Variants in GRIN1 observed in about 807,000 individuals in gnomAD.
The protein encoded by GRIN1 is glutamate ionotropic receptor NMDA type subunit 1.
A neutral mutation model predicts 103.0 loss-of-function variants in GRIN1; 38 were observed. The observed-to-expected ratio is 0.37, with a 90% CI of 0.28 to 0.48. The LOEUF is 0.48. GRIN1 is among the 20% of genes least tolerant of loss of function. The probability of loss-of-function intolerance (pLI) is 0.98; values close to 1 mark genes in which losing one functional copy is unlikely to be tolerated. For synonymous variants in GRIN1, 544 were observed against 532.7 expected, an observed-to-expected ratio of 1.02 and a Z score of -0.29; for missense variants, 577 against 1,288.9, an observed-to-expected ratio of 0.45 and a Z score of 8.46.
chr9:137,163,369 T>A, intron 16 of GRIN1, 39 bp downstream of exon 16: 1 of 1,608,290 alleles, frequency 6.2e-7, no homozygotes, highest in Non-Finnish European at 8.5e-7. Context: ...TCCGCCCCTC[T>A]CCGCCAGAGG....
At position 137,167,637 on chromosome 9, in the gene GRIN1, G is replaced by A; in HGVS notation, c.*110G>A. ...CCGGAGCACCACGGGGTCGGGGGAG[G>A]AGCACCCCCAGCCTCCCCCAGGCTG... On this transcript the variant is annotated 3_prime_UTR_variant, in exon 20 of 20. Transcript: ENST00000371561. 1 of 1,512,080 alleles carries A rather than the reference G, an allele frequency of 6.6e-7. No individual in the cohort carries two copies. Among genetic ancestry groups the A allele is most frequent in the South Asian group, 1.3e-5 (1 of 77,086 alleles). 93.7% of individuals were successfully genotyped at this position (1,512,080 alleles called of 1,614,324 possible). A position where few individuals can be genotyped will look rare whatever the true frequency, so the allele number is the denominator to read the frequency against.
At chr9:137,141,645 T>C (rs1469080009) in intron 1 of GRIN1, among the ~76,000 whole-genome samples, 1 of 151,818 alleles carries the variant, frequency 6.6e-6, no homozygotes, top group Admixed American at 6.6e-5. Context: ...GAAGGACGGG[T>C]GGGTTCTGAG....
At chr9:137,166,285 T>C (rs770466259) in intron 19 of GRIN1, among the ~76,000 whole-genome samples, 6 of 152,166 alleles carry the variant, frequency 3.9e-5, no homozygotes, top group Non-Finnish European at 7.4e-5. Context: ...GTAGCGGATA[T>C]GCACACTCGG....
chr9:137,156,511 G>C (rs1054478828), intron 4 of GRIN1, among the ~76,000 whole-genome samples, 158 bp from the exon 5 acceptor site: 1 of 152,234 alleles, frequency 6.6e-6, no homozygotes, highest in Non-Finnish European at 1.5e-5. Context: ...AGGCTCCTGG[G>C]TTCTGGGCCG....
chr9:137,141,951 G>C (rs905254223), intron 1 of GRIN1, 62 bp from the exon 2 acceptor site: 1 of 1,590,044 alleles, frequency 6.3e-7, no homozygotes, highest in Non-Finnish European at 8.6e-7. Flanking sequence ...CCAGATCTCA[G>C]CCTCTAACCC....
chr9:137,153,088 C>A (rs1382071862), intron 4 of GRIN1, among the ~76,000 whole-genome samples: 3 of 151,900 alleles, frequency 2.0e-5, no homozygotes, highest in African/African-American at 7.3e-5. Context: ...ACCACGTGTA[C>A]ACACATGCAC....
At chr9:137,166,442 C>T (rs566406873) in intron 19 of GRIN1, among the ~76,000 whole-genome samples, 33 of 152,360 alleles carry the variant, frequency 2.2e-4, no homozygotes, top group African/African-American at 7.9e-4. Context: ...CCACAGGAAG[C>T]CCCCAGCCCA....
intron 4 of GRIN1, among the ~76,000 whole-genome samples, chr9:137,154,984 T>C (rs1833137022): frequency 6.6e-6 from 1 of 152,138 alleles, no homozygotes; most frequent in South Asian, 2.1e-4. Flanking sequence ...TTAGTGAAGG[T>C]TGTTGAGGGT....
rs569694173 is a variant in GRIN1 at position 137,163,386 on chromosome 9, C to T, written c.2333+56C>T. The T allele has an allele frequency of 1.2e-3, 1,850 of 1,589,682 alleles. 30 individuals are homozygous for T. The highest frequency in any genetic ancestry group is 1.3e-4 in the Non-Finnish European group (153 of 1,159,918). The stretch of plus-strand genomic sequence containing the variant: ...CGCCCCTCTCCGCCAGAGGTGGACG[C>T]CCTCCCCAGTGCCAGACCACTCCGA... On this transcript the variant is annotated intron_variant, in intron 16 of 19. Transcript: ENST00000371561.
intron 2 of GRIN1, 77 bp downstream of exon 2, chr9:137,142,224 C>T (rs112344611): frequency 4.6e-5 from 68 of 1,476,992 alleles, no homozygotes; most frequent in African/African-American, 1.1e-4. Context: ...AGCAGCGGGC[C>T]GACCCGCTCA....
At chr9:137,151,898 TC>T (rs1482258942) in intron 4 of GRIN1, among the ~76,000 whole-genome samples, 5 of 60,246 alleles carry the variant, frequency 8.3e-5, no homozygotes, top group Admixed American at 4.5e-4. Context: ...ACTTGTGGCC[TC>T]TTTTTTTTTT....
intron 8 of GRIN1, among the ~76,000 whole-genome samples, chr9:137,160,481 G>A (rs1424664629): frequency 6.6e-6 from 1 of 152,030 alleles, no homozygotes; most frequent in South Asian, 2.1e-4. Context: ...CCAGGCTGGA[G>A]TGCAGTGGCG....
At chr9:137,166,499 G>A (rs1479348552) in intron 19 of GRIN1, among the ~76,000 whole-genome samples, 2 of 152,244 alleles carry the variant, frequency 1.3e-5, no homozygotes, top group African/African-American at 2.4e-5. Context: ...GAGGAAGTGC[G>A]ATTTGCAGCC....
chr9:137,139,362 G>C lies in GRIN1; in HGVS notation c.-125G>C, dbSNP rs1369946332. On this transcript the variant is annotated 5_prime_UTR_variant, in exon 1 of 20. Transcript: ENST00000371561. This position sits in a 1 kb window ranked among gnomAD's most constrained non-coding sequence, Gnocchi z 7.7. ...GCCGACGTCCCGGGACCGCCGCTCC[G>C]GGGGAGACGTGGCGTCCGCAGCCCG... 5.8e-6 allele frequency: 3 copies of C among 514,860 alleles called. No homozygotes were observed. The highest frequency in any genetic ancestry group is 8.4e-6 in the Non-Finnish European group (3 of 356,136). 31.9% of individuals were successfully genotyped at this position (514,860 alleles called of 1,614,324 possible).
At chr9:137,165,411 T>C in intron 19 of GRIN1, 115 bp downstream of exon 19, 1 of 744,608 alleles carries the variant, frequency 1.3e-6, no homozygotes, top group Non-Finnish European at 2.4e-6. Context: ...ACTCTGCCCC[T>C]GTCTCCCTGT....
At chr9:137,143,437 G>A (rs533709114) in intron 2 of GRIN1, among the ~76,000 whole-genome samples, 3 of 152,354 alleles carry the variant, frequency 2.0e-5, no homozygotes, top group South Asian at 2.1e-4. Context: ...CCTCAGGCAC[G>A]ACCTCCTTCG....
In GRIN1 at chr9:137,146,239, C is replaced by G. The variant is rs914358235; in HGVS notation, c.570+337C>G. ...CCCAGCCGGGCTTGGGACTCGTCAC[C>G]CTTCCCGCCCACCCTGTCCTGAGTC... is the stretch of plus-strand genomic sequence containing the variant. On this transcript the variant is annotated intron_variant, in intron 3 of 19. Transcript: ENST00000371561. This position sits in a 1 kb window ranked among gnomAD's most constrained non-coding sequence, Gnocchi z 6.7. Among the ~76,000 whole-genome samples, 1 of 152,148 alleles carries G rather than the reference C, an allele frequency of 6.6e-6. No homozygotes were observed. The highest frequency in any genetic ancestry group is 6.5e-5 in the Admixed American group (1 of 15,296).
chr9:137,167,074 G>T (rs1833920607), intron 19 of GRIN1, among the ~76,000 whole-genome samples: 1 of 152,180 alleles, frequency 6.6e-6, no homozygotes, highest in African/African-American at 2.4e-5. Flanking sequence ...GAGCCTCTCT[G>T]GGCACCAGGG....
intron 17 of GRIN1, 37 bp downstream of exon 17, chr9:137,163,705 C>T (rs201755124): frequency 8.7e-6 from 14 of 1,613,102 alleles, no homozygotes; most frequent in African/African-American, 1.3e-5. Flanking sequence ...GTGGGTTCTC[C>T]GTGGGCTGCG....
Sources: allele counts gnomAD v4.1 joint callset (sites outside exome capture counted in the v4.1 genomes callset), GRCh38; gene constraint gnomAD v4.1.1; non-coding constraint Gnocchi (gnomAD v3.1); transcripts MANE v1.5; gene names NCBI Gene and HGNC (gene_info 2026-07-23, HGNC 2026-07-21).